Variants in GALNTL6 observed in about 807,000 individuals in gnomAD.
GALNTL6 encodes the protein polypeptide N-acetylgalactosaminyltransferase like 6, also known as polypeptide N-acetylgalactosaminyltransferase-like 6.
Under a neutral mutation model 73.7 loss-of-function variants are expected in GALNTL6, and 46 were observed. The ratio of observed to expected loss-of-function variants is 0.62; its 90% confidence interval spans 0.49 to 0.80. The LOEUF is 0.80. Ranked by LOEUF, GALNTL6 falls within the 30% of genes least tolerant of loss-of-function variation. The probability of loss-of-function intolerance (pLI) is 0.00; values close to 1 mark genes in which losing one functional copy is unlikely to be tolerated. For synonymous variants in GALNTL6, 259 were observed against 263.7 expected, an observed-to-expected ratio of 0.98 and a Z score of 0.17; for missense variants, 604 against 755.0, an observed-to-expected ratio of 0.80 and a Z score of 2.34.
chr4:172,854,393 A>G (rs941062752), intron 7 of GALNTL6, among the ~76,000 whole-genome samples: 2 of 152,244 alleles, frequency 1.3e-5, no homozygotes, highest in African/African-American at 2.4e-5. Context: ...ATTCAAAAAA[A>G]TCTTTATTAA....
intron 2 of GALNTL6, among the ~76,000 whole-genome samples, chr4:171,890,990 A>G (rs978541522): frequency 2.1e-4 from 32 of 151,896 alleles, no homozygotes; most frequent in Non-Finnish European, 4.4e-5. Flanking sequence ...TGGTCCTGTT[A>G]CTCCAGGTCC....
At chr4:172,857,794 G>T (rs141246032) in intron 7 of GALNTL6, among the ~76,000 whole-genome samples, 6 of 152,284 alleles carry the variant, frequency 3.9e-5, no homozygotes, top group Non-Finnish European at 5.9e-5. Flanking sequence ...GCCTGTAAAA[G>T]ATGTAAAAAT....
chr4:172,075,800 G>A (rs867561064), intron 2 of GALNTL6, among the ~76,000 whole-genome samples: 24 of 152,180 alleles, frequency 1.6e-4, no homozygotes, highest in African/African-American at 5.3e-4. Context: ...CGATCACTGT[G>A]TTAGAAAAGT....
At chr4:172,956,193 A>G (rs1250286579) in intron 10 of GALNTL6, among the ~76,000 whole-genome samples, 1 of 152,206 alleles carries the variant, frequency 6.6e-6, no homozygotes, top group Non-Finnish European at 1.5e-5. Context: ...GAGCAGGATT[A>G]GGAGTGGCGT....
intron 2 of GALNTL6, among the ~76,000 whole-genome samples, chr4:172,065,247 T>C (rs188135738): frequency 9.2e-5 from 14 of 152,208 alleles, no homozygotes; most frequent in Admixed American, 6.5e-4. Flanking sequence ...GCATGCAACC[T>C]AGATCCCTCA....
chr4:172,481,945 C>T (rs1314245470), intron 5 of GALNTL6, among the ~76,000 whole-genome samples: 2 of 152,298 alleles, frequency 1.3e-5, no homozygotes, highest in East Asian at 1.9e-4. Flanking sequence ...GGGCAGTGCC[C>T]GTCGGGGAGG....
chr4:171,859,681 C>T (rs969045658), intron 2 of GALNTL6, among the ~76,000 whole-genome samples: 1 of 152,182 alleles, frequency 6.6e-6, no homozygotes, highest in Non-Finnish European at 1.5e-5. Context: ...GTTCTCCCAG[C>T]AATGTTATGT....
chr4:172,414,983 GTC>G (rs1744574751), intron 5 of GALNTL6, among the ~76,000 whole-genome samples: 1 of 151,984 alleles, frequency 6.6e-6, no homozygotes, highest in East Asian at 1.9e-4. Context: ...CATTTCTGAT[GTC>G]TCTATTTCTT....
intron 5 of GALNTL6, among the ~76,000 whole-genome samples, chr4:172,680,784 T>C (rs1732591910): frequency 6.6e-6 from 1 of 152,224 alleles, no homozygotes; most frequent in Non-Finnish European, 1.5e-5. Context: ...TCAAAGACTG[T>C]CAAAACAGAT....
chr4:173,006,911 T>C (rs1396804666), intron 10 of GALNTL6, among the ~76,000 whole-genome samples: 3 of 152,232 alleles, frequency 2.0e-5, no homozygotes, highest in Non-Finnish European at 4.4e-5. Flanking sequence ...GGTTAAGAAC[T>C]GTTCCCCTGT....
At chr4:171,992,252 G>GT (rs993475050) in intron 2 of GALNTL6, among the ~76,000 whole-genome samples, 12 of 150,808 alleles carry the variant, frequency 8.0e-5, no homozygotes, top group South Asian at 6.3e-4. Context: ...ATACTGCTGG[G>GT]TTTTTTTTTC....
In GALNTL6 at chr4:172,814,592, T is replaced by C. The variant is rs531154243; in HGVS notation, c.923+869T>C. Among the ~76,000 whole-genome samples, 4 of 152,264 alleles carry C rather than the reference T, an allele frequency of 2.6e-5. No homozygotes were observed. In the South Asian group the frequency reaches 8.3e-4, roughly 32 times the overall value. ...CTTAGTACAAGAAAAATGTCTGTGA[T>C]CAAGGCTTTGCACACTCTGAGTCCA... On this transcript the variant is annotated intron_variant, in intron 7 of 12. Coordinates refer to ENST00000506823, the MANE Select transcript of GALNTL6 (RefSeq NM_001034845.3).
intron 9 of GALNTL6, among the ~76,000 whole-genome samples, chr4:172,937,918 T>C (rs1343805040): frequency 6.6e-6 from 1 of 152,212 alleles, no homozygotes; most frequent in African/African-American, 2.4e-5. Flanking sequence ...ATATAGCATA[T>C]AGCATTATTT....
chr4:172,563,589 AC>A (rs1304798042), intron 5 of GALNTL6, among the ~76,000 whole-genome samples: 1 of 152,228 alleles, frequency 6.6e-6, no homozygotes, highest in East Asian at 1.9e-4. Flanking sequence ...TGCATTTGAT[AC>A]ACCAGAAAGC....
intron 12 of GALNTL6, among the ~76,000 whole-genome samples, chr4:173,027,963 C>T (rs1412183138): frequency 2.6e-5 from 4 of 152,134 alleles, no homozygotes; most frequent in Non-Finnish European, 5.9e-5. Context: ...GAATAAATCA[C>T]GGCAAAGATG....
At chr4:172,881,642 T>G (rs1034173389) in intron 7 of GALNTL6, among the ~76,000 whole-genome samples, 2 of 152,242 alleles carry the variant, frequency 1.3e-5, no homozygotes, top group East Asian at 3.8e-4. Flanking sequence ...GTTATGCATA[T>G]CTTTTTGTGT....
chr4:172,380,891 G>A (rs555073641), intron 5 of GALNTL6, among the ~76,000 whole-genome samples: 2 of 152,280 alleles, frequency 1.3e-5, no homozygotes, highest in South Asian at 2.1e-4. Flanking sequence ...GAATGATAAT[G>A]AGAATAAATT....
rs527836886 is a variant in GALNTL6, at chr4:172,511,312, C to T, written c.553+162623C>T. On this transcript the variant is annotated intron_variant, in intron 5 of 12. Transcript: ENST00000506823. ...ATATCTCCTATTTCATTTCCAGTTG[C>T]GCTTATTTGGATCTTCTCTTTTCTT... 2.2e-3 allele frequency among the ~76,000 whole-genome samples: 122 copies of T among 54,672 alleles called. 42 individuals are homozygous for T. Among genetic ancestry groups the T allele is most frequent in the African/African-American group, 5.4e-3 (120 of 22,154 alleles). The allele number at this position is 54,672 out of a possible 152,430, so 35.9% of individuals were successfully genotyped here.
chr4:172,141,646 T>A (rs890805290), intron 2 of GALNTL6, among the ~76,000 whole-genome samples: 12 of 151,764 alleles, frequency 7.9e-5, no homozygotes, highest in Non-Finnish European at 1.5e-5. Flanking sequence ...TCTGCCAGTA[T>A]AAAAGGACAA....
Sources: gnomAD v4.1 joint callset for allele counts (sites outside exome capture counted in the v4.1 genomes callset) on GRCh38, gnomAD v4.1.1 for gene constraint, MANE v1.5 for transcripts, NCBI Gene and HGNC (gene_info 2026-07-23, HGNC 2026-07-21) for gene names.